TNK2: variants seen among roughly 807,000 people sequenced by gnomAD.
The protein encoded by TNK2 is tyrosine kinase non receptor 2.
A neutral mutation model predicts 101.8 loss-of-function variants in TNK2; 83 were observed. The ratio of observed to expected loss-of-function variants is 0.82; its 90% confidence interval spans 0.68 to 0.98. The LOEUF is 0.98. Among genes scored for constraint, TNK2 ranks in the 50% least tolerant of loss-of-function variants. The pLI is 0.00. For synonymous variants in TNK2, 804 were observed against 633.0 expected, an observed-to-expected ratio of 1.27 and a Z score of -4.06; for missense variants, 1,665 against 1,483.2, an observed-to-expected ratio of 1.12 and a Z score of -2.01.
At chr3:195,869,648 G>C in intron 11 of TNK2, 107 bp from the exon 12 acceptor site, 2 of 1,147,024 alleles carry the variant, frequency 1.7e-6, no homozygotes, top group South Asian at 1.3e-5. Flanking sequence ...CGAAGGGAGA[G>C]AAGTGAATGG....
At chr3:195,892,320 G>A (rs900189726) in intron 1 of TNK2, 22 of 1,304,014 alleles carry the variant, frequency 1.7e-5, no homozygotes, top group South Asian at 7.5e-5. Context: ...TCCCTCAGCC[G>A]CTCCCAGTCT....
intron 2 of TNK2, among the ~76,000 whole-genome samples, chr3:195,887,761 G>A (rs1252815030): frequency 1.2e-4 from 17 of 145,334 alleles, no homozygotes; most frequent in African/African-American, 3.3e-4. Flanking sequence ...ACGCGTGTGC[G>A]CACGTGTGTG....
chr3:195,872,548 C>T, intron 9 of TNK2, 78 bp from the exon 10 acceptor site: 1 of 1,432,092 alleles, frequency 7.0e-7, no homozygotes, highest in Non-Finnish European at 9.4e-7. Flanking sequence ...CACACCCTGG[C>T]CACTGTGGCA....
intron 1 of TNK2, among the ~76,000 whole-genome samples, chr3:195,889,257 G>A (rs1757401066): frequency 6.6e-6 from 1 of 152,200 alleles, no homozygotes; most frequent in African/African-American, 2.4e-5. Flanking sequence ...TCAACAGGGA[G>A]CTCAGATCCC....
intron 2 of TNK2, among the ~76,000 whole-genome samples, chr3:195,887,902 GTGTGCA>G (rs1756676934): frequency 2.4e-5 from 3 of 127,140 alleles, no homozygotes; most frequent in African/African-American, 9.2e-5. Context: ...GTGCATGCGT[GTGTGCA>G]CGTGCATGCG....
In TNK2 at chr3:195,867,546, CG is replaced by C; in HGVS notation, c.2751del (p.Ala918ProfsTer70). ...LLLPPPSTPA[P>X]AAPTATVRPM... The stretch of plus-strand genomic sequence containing the variant: ...GGCCGCACGGTGGCCGTGGGGGCGG[CG>C]GGGGCTGGGGTGCTGGGTGGGGGCA... On this transcript the variant is annotated frameshift_variant, in exon 13 of 16. Coordinates refer to ENST00000672887, the MANE Select transcript of TNK2 (RefSeq NM_001382273.1). LOFTEE classifies it high-confidence loss of function. 1 of 377,754 alleles carries C rather than the reference CG, an allele frequency of 2.6e-6. No homozygotes were observed. The highest frequency in any genetic ancestry group is 4.2e-6 in the Non-Finnish European group (1 of 237,274). The allele number at this position is 377,754 out of a possible 1,614,324, so 23.4% of individuals were successfully genotyped here. A position where few individuals can be genotyped will look rare whatever the true frequency, so the allele number is the denominator to read the frequency against.
At position 195,886,947 on chromosome 3, in the gene TNK2, TCCCACCTCCTCA is replaced by T. The variant is rs570667647; in HGVS notation, c.234+18_234+29del. ...AGGGGGGCGTTCGAGGCTGCCCCCC[TCCCACCTCCTCA>T]CCCACCTCCTCACCCACCTTACTCA... On this transcript the variant is annotated intron_variant, in intron 3 of 15. Transcript: ENST00000672887. This position sits in a 1 kb window ranked among gnomAD's most constrained non-coding sequence, Gnocchi z 4.2. 313 of 1,204,912 alleles carry T rather than the reference TCCCACCTCCTCA, an allele frequency of 2.6e-4. 2 individuals are homozygous for T. The highest frequency in any genetic ancestry group is 1.4e-3 in the African/African-American group (93 of 64,710). 74.6% of individuals were successfully genotyped at this position (1,204,912 alleles called of 1,614,324 possible). A position where few individuals can be genotyped will look rare whatever the true frequency, so the allele number is the denominator to read the frequency against.
rs1257333759 is a variant in TNK2 at position 195,885,058 on chromosome 3, G to C, written c.235-25C>G. On this transcript the variant is annotated intron_variant, in intron 3 of 15. Transcript: ENST00000672887. The surrounding 1 kb of genome is among the most constrained non-coding windows in gnomAD (Gnocchi z 4.7). ...CCTGTTTGAAGGCAGCCGGGGGCCAGATGGAATCCAACACCCCAGGGTCAG... is the reference window on the plus strand; with the variant it reads ...CCTGTTTGAAGGCAGCCGGGGGCCACATGGAATCCAACACCCCAGGGTCAG... 6.4e-7 allele frequency: 1 copy of C among 1,562,840 alleles called. No individual in the cohort carries two copies. The highest frequency in any genetic ancestry group is 1.4e-5 in the African/African-American group (1 of 73,544).
rs1753804544 is a variant in TNK2, at chr3:195,882,834, G to A, written c.609+323C>T. Among the ~76,000 whole-genome samples the A allele has an allele frequency of 6.6e-6, 1 of 152,144 alleles. No homozygotes were observed. The highest frequency in any genetic ancestry group is 2.4e-5 in the African/African-American group (1 of 41,426). ...GATCATGCCATTGCACTCCAGCCTG[G>A]GCGACAAAGTGAGACTCCATCTCAA... On this transcript the variant is annotated intron_variant, in intron 5 of 15. Coordinates refer to ENST00000672887, the MANE Select transcript of TNK2 (RefSeq NM_001382273.1). The surrounding 1 kb of genome is among the most constrained non-coding windows in gnomAD (Gnocchi z 4.2).
chr3:195,866,776 G>A (rs1741150964), intron 15 of TNK2, 113 bp downstream of exon 15: 5 of 1,442,338 alleles, frequency 3.5e-6, no homozygotes, highest in Admixed American at 4.6e-5. Context: ...CTGGAGAGCT[G>A]TGTCTCCCTG....
rs907108380 is a variant in TNK2, at chr3:195,868,366, C to G, written c.1932G>C (p.Leu644=). 1.9e-6 allele frequency: 3 copies of G among 1,595,310 alleles called. No homozygotes were observed. Among genetic ancestry groups the G allele is most frequent in the African/African-American group, 2.7e-5 (2 of 74,688 alleles). ...TPVVDWDARP[L]PPPPAYDDVA... ...CGTCGTCATAGGCGGGCGGGGGGGG[C>G]AGCGGGCGTGCGTCCCAGTCCACCA... The change falls in exon 13 of 16, where the codon CTG becomes CTC. Residue 644 remains leucine (L), a synonymous_variant. Coordinates refer to ENST00000672887, the MANE Select transcript of TNK2 (RefSeq NM_001382273.1).
intron 1 of TNK2, chr3:195,896,199 C>G (rs1234997797): frequency 1.1e-5 from 5 of 434,806 alleles, no homozygotes; most frequent in Non-Finnish European, 1.8e-5. Context: ...CTTCCTCTCC[C>G]CCGGGGCCCC....
chr3:195,887,959 T>C (rs79375363), intron 2 of TNK2, among the ~76,000 whole-genome samples: 3 of 95,874 alleles, frequency 3.1e-5, no homozygotes, highest in African/African-American at 1.3e-4. Context: ...TGCCTGCGTG[T>C]GTGTGTGTGT....
At position 195,864,140 on chromosome 3, in the gene TNK2, G is replaced by C. The variant is rs373113202; in HGVS notation, c.*41C>G. 3.7e-6 allele frequency: 6 copies of C among 1,613,738 alleles called. No homozygotes were observed. Among genetic ancestry groups the C allele is most frequent in the Non-Finnish European group, 5.1e-6 (6 of 1,179,828 alleles). On this transcript the variant is annotated 3_prime_UTR_variant, in exon 16 of 16. Coordinates refer to ENST00000672887, the MANE Select transcript of TNK2 (RefSeq NM_001382273.1). ...ACTCCTGGTGGACGGACAGGCTCAG[G>C]TGATTCCTTCAGGCAGGCCCTCTGG...
Position 195,882,350 on chromosome 3 carries a change from G to C in TNK2, c.610-22C>G. The stretch of plus-strand genomic sequence containing the variant: ...TCACCTGAGGCCACGGAGGAGGCAG[G>C]AGGAATGAGCTGGAGGACCCTGCCC... On this transcript the variant is annotated intron_variant, in intron 5 of 15. Coordinates refer to ENST00000672887, the MANE Select transcript of TNK2 (RefSeq NM_001382273.1). This position sits in a 1 kb window ranked among gnomAD's most constrained non-coding sequence, Gnocchi z 4.2. 6.2e-7 allele frequency: 1 copy of C among 1,607,736 alleles called. No homozygotes were observed. The highest frequency in any genetic ancestry group is 8.5e-7 in the Non-Finnish European group (1 of 1,175,348).
At chr3:195,869,803 G>C (rs1743711030) in intron 11 of TNK2, 4 of 591,828 alleles carry the variant, frequency 6.8e-6, no homozygotes, top group Non-Finnish European at 1.2e-5. Flanking sequence ...TTTTGGCTTG[G>C]GACAGGAGAG....
chr3:195,895,063 A>C (rs2149797585), intron 1 of TNK2, among the ~76,000 whole-genome samples: 1 of 152,282 alleles, frequency 6.6e-6, no homozygotes, highest in Admixed American at 6.5e-5. Flanking sequence ...ACACAGGCAG[A>C]TGCCAGCATC....
At chr3:195,887,820 G>A (rs573088550) in intron 2 of TNK2, among the ~76,000 whole-genome samples, 5 of 141,754 alleles carry the variant, frequency 3.5e-5, no homozygotes, top group African/African-American at 1.2e-4. Flanking sequence ...GTGTGCATGC[G>A]GGTGTGCGCA....
At chr3:195,894,415 A>T (rs57820533) in intron 1 of TNK2, 11,855 of 146,896 alleles carry the variant, frequency 0.081, 1,290 homozygotes, top group African/African-American at 0.26. Context: ...GGCTCCTGGA[A>T]CCCCCACCCC....
Sources: allele counts gnomAD v4.1 joint callset (sites outside exome capture counted in the v4.1 genomes callset), GRCh38; gene constraint gnomAD v4.1.1; non-coding constraint Gnocchi (gnomAD v3.1); transcripts MANE v1.5; gene names NCBI Gene and HGNC (gene_info 2026-07-23, HGNC 2026-07-21).